The following BCAR3 variants were observed in gnomAD, a reference collection of about 807,000 sequenced individuals.
BCAR3 encodes the protein BCAR3 adaptor protein, NSP family member, also known as breast cancer anti-estrogen resistance protein 3.
In BCAR3, 37 loss-of-function variants were observed where a neutral mutation model predicts 80.1. That is an observed-to-expected ratio of 0.46 (90% CI 0.36 to 0.61). The LOEUF is 0.61. Among genes scored for constraint, BCAR3 ranks in the 20% least tolerant of loss-of-function variants. The pLI is 0.00. For synonymous variants in BCAR3, 389 were observed against 418.9 expected, an observed-to-expected ratio of 0.93 and a Z score of 0.87; for missense variants, 978 against 1,068.2, an observed-to-expected ratio of 0.92 and a Z score of 1.18.
intron 9 of BCAR3, 99 bp downstream of exon 9, chr1:93,571,571 T>G: frequency 6.8e-7 from 1 of 1,460,366 alleles, no homozygotes; most frequent in Non-Finnish European, 9.5e-7. Flanking sequence ...TAAGATTCAA[T>G]TTACTTTTGA....
intron 2 of BCAR3, among the ~76,000 whole-genome samples, chr1:93,765,813 C>T (rs552430237): frequency 4.8e-4 from 73 of 151,830 alleles, no homozygotes; most frequent in African/African-American, 1.7e-3. Flanking sequence ...ACTATAGGCG[C>T]CCACCACCAT....
chr1:93,807,181 G>A (rs1157752828), intron 2 of BCAR3, among the ~76,000 whole-genome samples: 1 of 152,092 alleles, frequency 6.6e-6, no homozygotes, highest in Non-Finnish European at 1.5e-5. Flanking sequence ...CTGTAGGGGT[G>A]GAGGAAAGCC....
At position 93,623,192 on chromosome 1, in the gene BCAR3, T is replaced by G. The variant is rs542861151; in HGVS notation, c.357+19112A>C. ...GGGAATAGGACTTGAAAAGATTTTC[T>G]TTTTTTTCGCAAAACTTAGCATTCA... On this transcript the variant is annotated intron_variant, in intron 3 of 11. Transcript: ENST00000260502. Among the ~76,000 whole-genome samples, 4 of 152,080 alleles carry G rather than the reference T, an allele frequency of 2.6e-5. No individual in the cohort carries two copies. In the East Asian group the frequency reaches 7.7e-4, roughly 29 times the overall value.
chr1:93,786,065 C>A (rs919894637), intron 2 of BCAR3, among the ~76,000 whole-genome samples: 2 of 141,014 alleles, frequency 1.4e-5, no homozygotes, highest in Non-Finnish European at 3.0e-5. Flanking sequence ...TGGTGGCGGG[C>A]GCCTGTAGTC....
At chr1:93,579,730 G>A (rs1053503784) in intron 7 of BCAR3, among the ~76,000 whole-genome samples, 1 of 152,150 alleles carries the variant, frequency 6.6e-6, no homozygotes, top group African/African-American at 2.4e-5. Flanking sequence ...CCTGGGAATC[G>A]GGCTGCTCTG....
In BCAR3 at chr1:93,586,445, A is replaced by C. The variant is rs1411451995; in HGVS notation, c.930-2324T>G. Among the ~76,000 whole-genome samples, 1 of 152,210 alleles carries C rather than the reference A, an allele frequency of 6.6e-6. No individual in the cohort carries two copies. Among genetic ancestry groups the C allele is most frequent in the African/African-American group, 2.4e-5 (1 of 41,444 alleles). On this transcript the variant is annotated intron_variant, in intron 5 of 11. Transcript: ENST00000260502. This position sits in a 1 kb window ranked among gnomAD's most constrained non-coding sequence, Gnocchi z 4.2. ...ATATACACATTTCCCTTATCTATTC[A>C]GCTGTTGATGGACACTTAGGCTGCT... is the stretch of plus-strand genomic sequence containing the variant.
chr1:93,711,314 A>G (rs1650014696), intron 2 of BCAR3, among the ~76,000 whole-genome samples: 3 of 152,170 alleles, frequency 2.0e-5, no homozygotes, highest in South Asian at 4.1e-4. Context: ...CTTGTATGGT[A>G]TGGGTCCAAA....
chr1:93,675,925 CAAAAAAAAAA>C lies in BCAR3; in HGVS notation c.-11-994_-11-985del, dbSNP rs58706715. Among the ~76,000 whole-genome samples, 340 of 51,470 alleles carry C rather than the reference CAAAAAAAAAA, an allele frequency of 6.6e-3. 1 individual carries two copies. Among genetic ancestry groups the C allele is most frequent in the African/African-American group, 0.016 (305 of 19,078 alleles). The allele number at this position is 51,470 out of a possible 152,430, so 33.8% of individuals were successfully genotyped here. On this transcript the variant is annotated intron_variant, in intron 1 of 11. Transcript: ENST00000260502. ...CACACAGAGGAAAAGAAATAGGAGA[CAAAAAAAAAA>C]AAAAAAAAAAAAAAAGGCTGGCCCC... is the stretch of plus-strand genomic sequence containing the variant.
At chr1:93,717,348 A>C (rs1032697210) in intron 2 of BCAR3, among the ~76,000 whole-genome samples, 1 of 152,210 alleles carries the variant, frequency 6.6e-6, no homozygotes, top group Admixed American at 6.5e-5. Context: ...GTTGCCTTGA[A>C]CAACTAAATT....
rs187124191 is a variant in BCAR3, at chr1:93,766,752, C to T, written c.-62-60610G>A. Among the ~76,000 whole-genome samples, 3 of 152,356 alleles carry T rather than the reference C, an allele frequency of 2.0e-5. No homozygotes were observed. The East Asian group carries it at 5.8e-4, about 29-fold the overall frequency. On this transcript the variant is annotated intron_variant, in intron 2 of 13. Coordinates refer to the BCAR3 transcript ENST00000370244. Reference sequence around the variant, plus strand: ...CCGATTGTGCTGGATCTTTTAAAGTCTATCTGTTGGAGGTTTCCAGGGAAT... The same window carrying T: ...CCGATTGTGCTGGATCTTTTAAAGTTTATCTGTTGGAGGTTTCCAGGGAAT...
At chr1:93,825,177 A>G (rs1445206307) in intron 2 of BCAR3, among the ~76,000 whole-genome samples, 2 of 133,640 alleles carry the variant, frequency 1.5e-5, no homozygotes, top group Non-Finnish European at 3.4e-5. Flanking sequence ...TACATGATAC[A>G]ATACTGGAGT....
At chr1:93,666,426 C>G (rs1193688451) in intron 2 of BCAR3, among the ~76,000 whole-genome samples, 2 of 152,184 alleles carry the variant, frequency 1.3e-5, no homozygotes, top group East Asian at 3.8e-4. Flanking sequence ...GAGAGGCCTT[C>G]TCTCCACCAG....
chr1:93,821,804 A>C (rs1654233603), intron 2 of BCAR3, among the ~76,000 whole-genome samples: 1 of 152,296 alleles, frequency 6.6e-6, no homozygotes, highest in South Asian at 2.1e-4. Flanking sequence ...TATTAGACCC[A>C]TTTTTACCAT....
intron 2 of BCAR3, among the ~76,000 whole-genome samples, chr1:93,646,036 G>C (rs926777056): frequency 5.9e-5 from 9 of 151,972 alleles, no homozygotes; most frequent in African/African-American, 2.2e-4. Context: ...ATACCTCTAT[G>C]TATTTATACA....
rs148402464 is a variant in BCAR3 at position 93,567,485 on chromosome 1, G to A, written c.2093C>T (p.Thr698Ile). Residue 698 changes from threonine (T) to isoleucine (I), a missense_variant, in exon 11 of 12, where the codon ACA (threonine) becomes ATA (isoleucine). Physicochemically the swap from Thr to Ile is moderately conservative, Grantham distance 89. Coordinates refer to ENST00000260502, the MANE Select transcript of BCAR3 (RefSeq NM_003567.4). Reference protein sequence around the residue: ...SKLLHEGRESTCVPPNNVSVP... With the variant: ...SKLLHEGRESICVPPNNVSVP... The stretch of plus-strand genomic sequence containing the variant: ...TGATACATTGTTTGGGGGAACACAT[G>A]TGGACTCTGAAGAATAAGGAGTAGA... 1.5e-3 allele frequency: 2,412 copies of A among 1,614,154 alleles called. 13 individuals carry two copies. The Middle Eastern group carries it at 0.025, about 17-fold the overall frequency.
chr1:93,779,136 C>T (rs12404613), intron 2 of BCAR3, among the ~76,000 whole-genome samples: 14,849 of 152,078 alleles, frequency 0.098, 920 homozygotes, highest in East Asian at 0.19. Flanking sequence ...GGAGAAGCGC[C>T]GATGCTGAGT....
chr1:93,814,614 G>T, intron 2 of BCAR3, among the ~76,000 whole-genome samples: 1 of 152,204 alleles, frequency 6.6e-6, no homozygotes, highest in East Asian at 1.9e-4. Flanking sequence ...GGAGAAGGAG[G>T]CCTGGCCTTT....
chr1:93,757,725 T>C (rs990803377), intron 2 of BCAR3, among the ~76,000 whole-genome samples: 3 of 152,190 alleles, frequency 2.0e-5, no homozygotes, highest in African/African-American at 4.8e-5. Flanking sequence ...GCATTGCTTC[T>C]CCCACCACAC....
chr1:93,784,625 T>TTGATGAAGAC (rs1652879196), intron 2 of BCAR3, among the ~76,000 whole-genome samples: 2 of 152,234 alleles, frequency 1.3e-5, no homozygotes, highest in African/African-American at 4.8e-5. Flanking sequence ...TCTAGTGGGC[T>TTGATGAAGAC]TGATGAAGAC....
Sources: allele counts gnomAD v4.1 joint callset (sites outside exome capture counted in the v4.1 genomes callset), GRCh38; gene constraint gnomAD v4.1.1; non-coding constraint Gnocchi (gnomAD v3.1); transcripts MANE v1.5; gene names NCBI Gene and HGNC (gene_info 2026-07-23, HGNC 2026-07-21).